The following FAT2 variants were observed in gnomAD, a reference collection of about 807,000 sequenced individuals.
FAT2 encodes FAT atypical cadherin 2.
In FAT2, 150 loss-of-function variants were observed where a neutral mutation model predicts 295.3. That is an observed-to-expected ratio of 0.51 (90% CI 0.44 to 0.58). The LOEUF is 0.58. FAT2 is among the 20% of genes least tolerant of loss of function. The probability of loss-of-function intolerance (pLI) is 0.00; values close to 1 mark genes in which losing one functional copy is unlikely to be tolerated. For synonymous variants in FAT2, 2,026 were observed against 2,150.3 expected, an observed-to-expected ratio of 0.94 and a Z score of 1.60; for missense variants, 4,868 against 5,442.7, an observed-to-expected ratio of 0.89 and a Z score of 3.32.
Position 151,545,373 on chromosome 5 carries a change from G to T in FAT2, c.5754C>A (p.Ile1918=). The T allele has an allele frequency of 8.1e-6, 13 of 1,614,178 alleles. No individual in the cohort carries two copies. Among genetic ancestry groups the T allele is most frequent in the Non-Finnish European group, 1.1e-5 (13 of 1,180,028 alleles). ...KTGNADEAVT[I]HPVTGSISVL... ...CAGATATGCTACCAGTGACAGGATG[G>T]ATGGTAACAGCTTCATCAGCATTGC... The change falls in exon 10 of 24, where the codon ATC becomes ATA. Residue 1918 remains isoleucine, a synonymous_variant. Transcript: ENST00000261800.
chr5:151,555,071 CTTT>C (rs1757565754), intron 4 of FAT2, among the ~76,000 whole-genome samples: 1 of 152,150 alleles, frequency 6.6e-6, no homozygotes, highest in South Asian at 2.1e-4. Context: ...ATGAGTGGTA[CTTT>C]TTGAGTCAGA....
At chr5:151,550,958 G>A in intron 7 of FAT2, 87 bp from the exon 8 acceptor site, 2 of 1,184,778 alleles carry the variant, frequency 1.7e-6, no homozygotes, top group Non-Finnish European at 2.4e-6. Context: ...TATCACCCAG[G>A]CCTAGCACAG....
chr5:151,568,745 C>T lies in FAT2; in HGVS notation c.187G>A (p.Ala63Thr), dbSNP rs201874812. ...TACCTCACTGCCCACTGTGGCTCCG[C>T]GAGGTAGATGCCCATTTTCTCGAAG... ...ESFEKMGIYL[A>T]EPQWAVRYRI... The change falls in exon 2 of 24, where the codon GCG becomes ACG. Residue 63 changes from alanine to threonine, a missense_variant. This residue lies in a region of FAT2 where 3,297 missense variants were observed against 3,669.4 expected (regional missense o/e 0.90). Transcript: ENST00000261800. 1.9e-5 allele frequency: 31 copies of T among 1,614,116 alleles called. No individual in the cohort carries two copies. The highest frequency in any genetic ancestry group is 6.7e-5 in the East Asian group (3 of 44,884).
At chr5:151,532,123 C>T (rs1754698471) in intron 13 of FAT2, among the ~76,000 whole-genome samples, 153 bp from the exon 14 acceptor site, 1 of 152,102 alleles carries the variant, frequency 6.6e-6, no homozygotes, top group Admixed American at 6.5e-5. Flanking sequence ...GTCTCTCCAG[C>T]GGGGTGTCTT....
intron 1 of FAT2, among the ~76,000 whole-genome samples, chr5:151,584,874 C>G (rs1759110572): frequency 6.6e-6 from 1 of 152,082 alleles, no homozygotes; most frequent in Non-Finnish European, 1.5e-5. Context: ...ACCTTGAGCC[C>G]CCTTGGAGCT....
chr5:151,523,332 G>C (rs1418610324), intron 18 of FAT2, among the ~76,000 whole-genome samples: 1 of 151,776 alleles, frequency 6.6e-6, no homozygotes, highest in Non-Finnish European at 1.5e-5. Context: ...CATTATCATA[G>C]ATAAACTATG....
chr5:151,536,594 C>A (rs1015597603), intron 12 of FAT2, among the ~76,000 whole-genome samples: 4 of 152,218 alleles, frequency 2.6e-5, no homozygotes, highest in African/African-American at 9.7e-5. Context: ...CACAGCCCAG[C>A]CTCTCCTGGC....
At position 151,512,281 on chromosome 5, in the gene FAT2, T is replaced by C; in HGVS notation, c.11789A>G (p.Lys3930Arg). The C allele has an allele frequency of 6.2e-7, 1 of 1,614,240 alleles. No homozygotes were observed. Among genetic ancestry groups the C allele is most frequent in the Non-Finnish European group, 8.5e-7 (1 of 1,180,040 alleles). Residue 3930 changes from lysine to arginine, a missense_variant, in exon 21 of 24, where the codon AAG becomes AGG. This residue lies in a region of FAT2 where 1,046 missense variants were observed against 1,210.1 expected (regional missense o/e 0.86). Transcript: ENST00000261800. The surrounding 1 kb of genome is among the most constrained non-coding windows in gnomAD (Gnocchi z 4.1). Reference protein sequence around the residue: ...EEALDLLAPGKTVAGLLETQA... With the variant: ...EEALDLLAPGRTVAGLLETQA... ...TGTCTCCAGCAAGCCTGCCACCGTC[T>C]TGCCAGGGGCCAGCAGATCTAGAGC...
rs147759422 is a variant in FAT2 at position 151,542,080 on chromosome 5, A to C, written c.8842+205T>G. Among the ~76,000 whole-genome samples, 3 of 152,342 alleles carry C rather than the reference A, an allele frequency of 2.0e-5. No individual in the cohort carries two copies. In the East Asian group the frequency reaches 5.8e-4, roughly 29 times the overall value. ...TATAGGTGCTTTCTAGAAATTACAGATCTTACCAGCATGCCTGTGAGGTGA... is the reference window on the plus strand; with the variant it reads ...TATAGGTGCTTTCTAGAAATTACAGCTCTTACCAGCATGCCTGTGAGGTGA... On this transcript the variant is annotated intron_variant, in intron 10 of 23. Coordinates refer to ENST00000261800, the MANE Select transcript of FAT2 (RefSeq NM_001447.3).
Position 151,529,173 on chromosome 5 carries a change from C to CT in FAT2, c.10026+4dup. ...CCCACAAAGAGCAAGGTGGCAGATC[C>CT]TTACCGTGAGGATGACGTCACCCAC... On this transcript the variant is annotated splice_donor_region_variant and intron_variant, in intron 15 of 23. Transcript: ENST00000261800. 6.2e-7 allele frequency: 1 copy of CT among 1,613,816 alleles called. No homozygotes were observed. The highest frequency in any genetic ancestry group is 8.5e-7 in the Non-Finnish European group (1 of 1,179,782).
chr5:151,521,796 C>A lies in FAT2; in HGVS notation c.10797G>T (p.Ser3599=). The A allele has an allele frequency of 6.2e-7, 1 of 1,614,164 alleles. No homozygotes were observed. The highest frequency in any genetic ancestry group is 1.6e-4 in the Middle Eastern group (1 of 6,062). ...AAQGLPRGHY[S]FNVTVSDGTF... ...TCCCATCGCTGACCGTGACGTTGAA[C>A]GAGTAGTGGCCACGAGGCAGGCCCT... is the stretch of plus-strand genomic sequence containing the variant. Residue 3599 remains serine (S), a synonymous_variant, in exon 19 of 24, where the codon TCG becomes TCT. Coordinates refer to ENST00000261800, the MANE Select transcript of FAT2 (RefSeq NM_001447.3).
chr5:151,581,053 ACCT>A (rs1473461114), intron 1 of FAT2, among the ~76,000 whole-genome samples: 1 of 152,048 alleles, frequency 6.6e-6, no homozygotes, highest in African/African-American at 2.4e-5. Flanking sequence ...TAACTCAGGC[ACCT>A]CCAGGAGGTG....
Position 151,521,790 on chromosome 5 carries a change from G to A in FAT2, c.10803C>T (p.Asn3601=), listed in dbSNP as rs567656113. The A allele has an allele frequency of 1.4e-5, 23 of 1,614,178 alleles. No individual in the cohort carries two copies. The highest frequency in any genetic ancestry group is 1.6e-4 in the Middle Eastern group (1 of 6,062). The change falls in exon 19 of 24, where the codon AAC becomes AAT. Residue 3601 remains asparagine, a synonymous_variant. Transcript: ENST00000261800. ...TGAAGGTCCCATCGCTGACCGTGACGTTGAACGAGTAGTGGCCACGAGGCA... is the reference window on the plus strand; with the variant it reads ...TGAAGGTCCCATCGCTGACCGTGACATTGAACGAGTAGTGGCCACGAGGCA... ...QGLPRGHYSF[N]VTVSDGTFTT... is the part of the protein sequence containing the mutation.
Position 151,545,537 on chromosome 5 carries a change from C to T in FAT2, c.5590G>A (p.Asp1864Asn), listed in dbSNP as rs770142042. The T allele has an allele frequency of 1.4e-5, 23 of 1,614,078 alleles. No individual in the cohort carries two copies. The Admixed American group carries it at 3.7e-4, about 26-fold the overall frequency. ...AATCTGGGAGGGGAATCATTCACAT[C>T]TCTGACATGAATGATGACTTGGGCA... ...RPAQVIIHVR[D>N]VNDSPPRFSE... is the part of the protein sequence containing the mutation. The change falls in exon 10 of 24, where the codon GAT becomes AAT. Residue 1864 changes from aspartate (D) to asparagine (N), a missense_variant. Physicochemically the swap from Asp to Asn is conservative, Grantham distance 23 (BLOSUM62 1). This residue lies in a region of FAT2 where 3,297 missense variants were observed against 3,669.4 expected (regional missense o/e 0.90). Coordinates refer to ENST00000261800, the MANE Select transcript of FAT2 (RefSeq NM_001447.3).
upstream of FAT2, among the ~76,000 whole-genome samples, chr5:151,592,309 G>A (rs1312456343): frequency 6.6e-6 from 1 of 152,172 alleles, no homozygotes; most frequent in Non-Finnish European, 1.5e-5. Context: ...TCATGCACAG[G>A]TGAGGCCCAT....
At chr5:151,514,279 T>G (rs546549250) in intron 20 of FAT2, among the ~76,000 whole-genome samples, 1 of 152,302 alleles carries the variant, frequency 6.6e-6, no homozygotes, top group East Asian at 1.9e-4. Flanking sequence ...ATGAAATCAT[T>G]TCTTTTTATC....
rs745483165 is a variant in FAT2, at chr5:151,528,017, G to A, written c.10143C>T (p.Ala3381=). ...IHPKKGELQV[A]KALDREQASS... ...TCACCTGTTCCCGGTCCAGGGCCTT[G>A]GCCACCTGTAGCTCCCCCTTTTTGG... Residue 3381 remains alanine (A), a synonymous_variant, in exon 16 of 24, where the codon GCC becomes GCT. Coordinates refer to ENST00000261800, the MANE Select transcript of FAT2 (RefSeq NM_001447.3). The A allele has an allele frequency of 6.2e-7, 1 of 1,614,178 alleles. No individual in the cohort carries two copies. The highest frequency in any genetic ancestry group is 8.5e-7 in the Non-Finnish European group (1 of 1,180,020).
Position 151,567,116 on chromosome 5 carries a change from C to T in FAT2, c.1816G>A (p.Glu606Lys). 6.2e-7 allele frequency: 1 copy of T among 1,614,146 alleles called. No individual in the cohort carries two copies. Residue 606 changes from glutamate to lysine, a missense_variant, in exon 2 of 24, where the codon GAA (glutamate) becomes AAA (lysine). By Grantham distance (56) the Glu-to-Lys change is moderately conservative (BLOSUM62 1). Around this residue, in one of 5 missense-constraint regions of FAT2, gnomAD observed 3,297 missense variants for 3,669.4 expected, o/e 0.90. Transcript: ENST00000261800. Reference protein sequence around the residue: ...NLKYEIVSGNELEYFDLNHFS... With the variant: ...NLKYEIVSGNKLEYFDLNHFS... The stretch of plus-strand genomic sequence containing the variant: ...TGATTTAGATCAAAATACTCTAGTT[C>T]ATTGCCTGATACAATCTCGTATTTT...
Position 151,528,040 on chromosome 5 carries a change from T to C in FAT2, c.10120A>G (p.Lys3374Glu). 1 of 1,614,210 alleles carries C rather than the reference T, an allele frequency of 6.2e-7. No individual in the cohort carries two copies. The highest frequency in any genetic ancestry group is 8.5e-7 in the Non-Finnish European group (1 of 1,180,024). The change falls in exon 16 of 24, where the codon AAA becomes GAA. Residue 3374 changes from lysine to glutamate, a missense_variant. This residue lies in a region of FAT2 where 1,046 missense variants were observed against 1,210.1 expected (regional missense o/e 0.86). Coordinates refer to ENST00000261800, the MANE Select transcript of FAT2 (RefSeq NM_001447.3). ...TTGGCCACCTGTAGCTCCCCCTTTT[T>C]GGGGTGAATGGTGAAGTGCCCAAGC... is the stretch of plus-strand genomic sequence containing the variant. ...NQLGHFTIHPKKGELQVAKAL... is the reference protein window; with the variant it reads ...NQLGHFTIHPEKGELQVAKAL...
Sources: allele counts gnomAD v4.1 joint callset (sites outside exome capture counted in the v4.1 genomes callset), GRCh38; gene constraint gnomAD v4.1.1; regional missense constraint gnomAD v4.1.1; non-coding constraint Gnocchi (gnomAD v3.1); transcripts MANE v1.5; gene names NCBI Gene and HGNC (gene_info 2026-07-23, HGNC 2026-07-21).